PEX5L: variants seen among roughly 807,000 people sequenced by gnomAD.
PEX5L encodes the protein peroxisomal biogenesis factor 5 like, also known as PEX5-related protein.
PEX5L carries 30 observed loss-of-function variants against 84.0 expected under a neutral mutation model. The ratio of observed to expected loss-of-function variants is 0.36; its 90% confidence interval spans 0.27 to 0.48. The LOEUF (loss-of-function observed/expected upper bound fraction) is 0.48, where lower values mean the gene tolerates loss of function less well. Ranked by LOEUF, PEX5L falls within the 20% of genes least tolerant of loss-of-function variation. The pLI, the probability that PEX5L is intolerant of heterozygous loss-of-function variation, is 0.99. For missense variants in PEX5L, 533 were observed against 754.6 expected, an observed-to-expected ratio of 0.71 and a Z score of 3.44; for synonymous variants, 270 against 283.1, an observed-to-expected ratio of 0.95 and a Z score of 0.46.
rs939260660 is a variant in PEX5L, at chr3:179,803,139, C to T, written c.1677-1107G>A. On this transcript the variant is annotated intron_variant, in intron 14 of 14. Transcript: ENST00000467460. ...CCAGAGACTACATGGTGCATGATAT[C>T]GCAACAGACTGACTGCAGAAGCAGG... 2.6e-5 allele frequency among the ~76,000 whole-genome samples: 4 copies of T among 152,250 alleles called. No individual in the cohort carries two copies. The East Asian group carries it at 5.8e-4, about 22-fold the overall frequency.
chr3:180,016,322 G>A (rs906512040), intron 1 of PEX5L, among the ~76,000 whole-genome samples: 27 of 152,238 alleles, frequency 1.8e-4, no homozygotes, highest in Middle Eastern at 6.8e-3. Flanking sequence ...TTAATTGGAT[G>A]TCAGCTCAGT....
At chr3:179,879,777 G>A in intron 5 of PEX5L, 152 bp downstream of exon 5, 2 of 501,958 alleles carry the variant, frequency 4.0e-6, no homozygotes, top group Non-Finnish European at 3.5e-6. Context: ...TACAGTTCAA[G>A]CTCAAAAGAA....
chr3:180,018,291 G>T (rs1233839059), intron 1 of PEX5L, among the ~76,000 whole-genome samples: 3 of 151,992 alleles, frequency 2.0e-5, no homozygotes, highest in African/African-American at 7.3e-5. Flanking sequence ...TCCATCATTT[G>T]GTAGGTCTGT....
chr3:179,797,605 A>AAAAT lies in PEX5L; in HGVS notation c.*4222_*4223insATTT, dbSNP rs1553807980. 186 of 89,134 alleles carry AAAAT rather than the reference A, an allele frequency of 2.1e-3. 1 individual carries two copies. The highest frequency in any genetic ancestry group is 7.0e-3 in the East Asian group (19 of 2,710). 5.5% of individuals were successfully genotyped at this position (89,134 alleles called of 1,614,324 possible). ...AACACTCTTTAAAAAAAAAAAAAAA[A>AAAAT]ATATATATATATATATATATATATA... is the stretch of plus-strand genomic sequence containing the variant. On this transcript the variant is annotated 3_prime_UTR_variant, in exon 15 of 15. Coordinates refer to ENST00000467460, the MANE Select transcript of PEX5L (RefSeq NM_016559.3).
At chr3:180,015,594 T>C (rs1461751930) in intron 1 of PEX5L, among the ~76,000 whole-genome samples, 1 of 152,050 alleles carries the variant, frequency 6.6e-6, no homozygotes, top group Non-Finnish European at 1.5e-5. Context: ...TATAGTGAAT[T>C]GTTCCTTAGT....
intron 3 of PEX5L, among the ~76,000 whole-genome samples, chr3:179,891,471 G>T (rs1412264040): frequency 6.6e-6 from 1 of 152,126 alleles, no homozygotes; most frequent in Non-Finnish European, 1.5e-5. Flanking sequence ...GGTTTTGATG[G>T]GAGATACGGA....
chr3:179,876,772 T>C (rs955513354), intron 5 of PEX5L, among the ~76,000 whole-genome samples: 1 of 152,162 alleles, frequency 6.6e-6, no homozygotes, highest in Non-Finnish European at 1.5e-5. Context: ...TTCTACTTTC[T>C]GTCTATATGA....
At chr3:179,852,022 G>A (rs535377182) in intron 8 of PEX5L, among the ~76,000 whole-genome samples, 1 of 152,304 alleles carries the variant, frequency 6.6e-6, no homozygotes, top group African/African-American at 2.4e-5. Flanking sequence ...CGAGGCTGGG[G>A]ACTGTGAGGA....
chr3:179,869,786 A>T (rs1749648471), intron 7 of PEX5L, among the ~76,000 whole-genome samples: 1 of 152,250 alleles, frequency 6.6e-6, no homozygotes, highest in Admixed American at 6.5e-5. Context: ...GCAATTTAGC[A>T]GTGTGCCCAG....
Position 179,902,444 on chromosome 3 carries a change from C to T in PEX5L, c.94-4198G>A, listed in dbSNP as rs527639444. Among the ~76,000 whole-genome samples, 4 of 152,336 alleles carry T rather than the reference C, an allele frequency of 2.6e-5. No individual in the cohort carries two copies. In the South Asian group the frequency reaches 6.2e-4, roughly 24 times the overall value. On this transcript the variant is annotated intron_variant, in intron 2 of 14. Coordinates refer to ENST00000467460, the MANE Select transcript of PEX5L (RefSeq NM_016559.3). ...GCAAACATTTTCTGAGAAATATCTT[C>T]TTTCTCTAGTCTGGAATGGTCAATA... is the stretch of plus-strand genomic sequence containing the variant.
chr3:179,964,302 G>A (rs1171794333), intron 2 of PEX5L, among the ~76,000 whole-genome samples: 1 of 152,008 alleles, frequency 6.6e-6, no homozygotes, highest in African/African-American at 2.4e-5. Context: ...ATAACCTCCA[G>A]TTCCATCCAC....
intron 11 of PEX5L, among the ~76,000 whole-genome samples, chr3:179,811,217 ATG>A (rs59791968): frequency 0.024 from 3,633 of 150,136 alleles, 50 homozygotes; most frequent in African/African-American, 0.032. Context: ...TATGGAATGT[ATG>A]TGTGTGTGTG....
At chr3:180,004,570 ACTAT>A (rs141383035) in intron 1 of PEX5L, among the ~76,000 whole-genome samples, 4,343 of 152,264 alleles carry the variant, frequency 0.029, 63 homozygotes, top group Middle Eastern at 0.041. Context: ...CTTGGTATGA[ACTAT>A]CTAATTTATT....
Position 179,826,028 on chromosome 3 carries a change from G to T in PEX5L, c.823-6052C>A, listed in dbSNP as rs568450478. Reference sequence around the variant, plus strand: ...GACGGAGTCAGCCATCACTCCAGATGCTGGCAGGCACCTGGACAAACAGCC... The same window carrying T: ...GACGGAGTCAGCCATCACTCCAGATTCTGGCAGGCACCTGGACAAACAGCC... On this transcript the variant is annotated intron_variant, in intron 8 of 14. Transcript: ENST00000467460. Among the ~76,000 whole-genome samples the T allele has an allele frequency of 6.6e-5, 10 of 152,290 alleles. No individual in the cohort carries two copies. The South Asian group carries it at 1.2e-3, about 19-fold the overall frequency.
At chr3:179,836,010 A>G (rs2109258546) in intron 8 of PEX5L, among the ~76,000 whole-genome samples, 1 of 152,358 alleles carries the variant, frequency 6.6e-6, no homozygotes, top group East Asian at 1.9e-4. Context: ...TAGGCAAATT[A>G]GACAAATACA....
chr3:180,007,543 A>C lies in PEX5L; in HGVS notation c.21+29036T>G, dbSNP rs184461730. Among the ~76,000 whole-genome samples, 497 of 152,132 alleles carry C rather than the reference A, an allele frequency of 3.3e-3. 7 individuals are homozygous for C. Among genetic ancestry groups the C allele is most frequent in the East Asian group, 2.7e-3 (14 of 5,160 alleles). On this transcript the variant is annotated intron_variant, in intron 1 of 14. Transcript: ENST00000467460. ...CTAGTGTGGGAGTTCCTAGTGTGGG[A>C]GCTCCCACCCCACATTTCCCTTCCA...
At chr3:180,002,724 T>A (rs1788537093) in intron 1 of PEX5L, among the ~76,000 whole-genome samples, 1 of 152,102 alleles carries the variant, frequency 6.6e-6, no homozygotes, top group African/African-American at 2.4e-5. Context: ...TTTCTTCAGT[T>A]TTAACTATAG....
chr3:179,946,709 G>GA (rs1407566436), intron 2 of PEX5L, among the ~76,000 whole-genome samples: 1 of 152,162 alleles, frequency 6.6e-6, no homozygotes, highest in Non-Finnish European at 1.5e-5. Context: ...TCAGTATTTG[G>GA]AAAAAATCTT....
chr3:179,823,251 C>T (rs1729156738), intron 8 of PEX5L, among the ~76,000 whole-genome samples: 1 of 152,180 alleles, frequency 6.6e-6, no homozygotes, highest in Non-Finnish European at 1.5e-5. Context: ...AAATCTTTCC[C>T]TTCCATCTAA....
Sources: gnomAD v4.1 joint callset for allele counts (sites outside exome capture counted in the v4.1 genomes callset) on GRCh38, gnomAD v4.1.1 for gene constraint, MANE v1.5 for transcripts, NCBI Gene and HGNC (gene_info 2026-07-23, HGNC 2026-07-21) for gene names.